SLC22A24: variants seen among roughly 807,000 people sequenced by gnomAD.
SLC22A24 encodes steroid transmembrane transporter SLC22A24.
SLC22A24 carries 53 observed loss-of-function variants against 49.8 expected under a neutral mutation model. The observed-to-expected ratio is 1.06, with a 90% CI of 0.85 to 1.34. The LOEUF is 1.34. Among genes scored for constraint, SLC22A24 ranks in the 40% most tolerant of loss-of-function variants. The pLI, the probability that SLC22A24 is intolerant of heterozygous loss-of-function variation, is 0.00. For missense variants in SLC22A24, 786 were observed against 675.9 expected (o/e 1.16, Z -1.81); for synonymous variants, 302 against 256.4 (o/e 1.18, Z -1.70).
At chr11:63,132,153 C>T (rs1174652276) in intron 2 of SLC22A24, among the ~76,000 whole-genome samples, 4 of 152,188 alleles carry the variant, frequency 2.6e-5, no homozygotes, top group Non-Finnish European at 5.9e-5. Context: ...GTCTTTTCTA[C>T]ACTGTTTATT....
At chr11:63,111,084 T>C (rs1288092516) in intron 4 of SLC22A24, among the ~76,000 whole-genome samples, 1 of 152,006 alleles carries the variant, frequency 6.6e-6, no homozygotes, top group Non-Finnish European at 1.5e-5. Flanking sequence ...GTCAAAGGCC[T>C]TTTCTGCATC....
chr11:63,106,061 C>T (rs1306024436), intron 4 of SLC22A24, among the ~76,000 whole-genome samples: 1 of 151,102 alleles, frequency 6.6e-6, no homozygotes, highest in Non-Finnish European at 1.5e-5. Context: ...AGGTATATCT[C>T]CTAAAGCTAT....
chr11:63,135,729 G>A (rs900710485), intron 1 of SLC22A24, among the ~76,000 whole-genome samples: 1 of 152,162 alleles, frequency 6.6e-6, no homozygotes, highest in African/African-American at 2.4e-5. Context: ...GCAAAACCGA[G>A]TGATTTTCTT....
intron 2 of SLC22A24, among the ~76,000 whole-genome samples, chr11:63,120,537 G>A (rs2134667796): frequency 1.3e-5 from 2 of 152,198 alleles, no homozygotes; most frequent in South Asian, 4.2e-4. Context: ...GTTTACAGAG[G>A]AGAGGATGAG....
intron 2 of SLC22A24, among the ~76,000 whole-genome samples, chr11:63,128,361 G>A (rs1398026648): frequency 1.3e-5 from 2 of 148,250 alleles, no homozygotes; most frequent in Non-Finnish European, 1.5e-5. Flanking sequence ...TAGTCGTAGC[G>A]TCAGTGCCTA....
At position 63,132,113 on chromosome 11, in the gene SLC22A24, G is replaced by A. The variant is rs977653639; in HGVS notation, c.506+2552C>T. ...GCATGCATCACAAAGTTCTCATGCT[G>A]TGGTTTTCAGCTCCATCCAGTCCTT... is the stretch of plus-strand genomic sequence containing the variant. On this transcript the variant is annotated intron_variant, in intron 2 of 9. Coordinates refer to ENST00000612278, the MANE Select transcript of SLC22A24 (RefSeq NM_001136506.2). 1.5e-3 allele frequency among the ~76,000 whole-genome samples: 221 copies of A among 152,200 alleles called. 2 individuals carry two copies. Among genetic ancestry groups the A allele is most frequent in the Non-Finnish European group, 5.6e-4 (38 of 68,016 alleles).
At chr11:63,087,024 G>GCGCACA (rs376936925) in intron 6 of SLC22A24, among the ~76,000 whole-genome samples, 101 of 132,628 alleles carry the variant, frequency 7.6e-4, no homozygotes, top group East Asian at 4.9e-3. Context: ...CCTGGAGGGC[G>GCGCACA]CACACACACA....
intron 2 of SLC22A24, among the ~76,000 whole-genome samples, chr11:63,130,562 T>G (rs181142743): frequency 2.0e-3 from 310 of 152,316 alleles, no homozygotes; most frequent in African/African-American, 7.2e-3. Flanking sequence ...CCTACTCCTG[T>G]TTGTACCTAT....
At chr11:63,116,841 G>A (rs779325196) in intron 4 of SLC22A24, among the ~76,000 whole-genome samples, 4 of 151,964 alleles carry the variant, frequency 2.6e-5, no homozygotes, top group Non-Finnish European at 5.9e-5. Context: ...CTTTTTTTCT[G>A]CCTGCCCAAC....
intron 1 of SLC22A24, among the ~76,000 whole-genome samples, chr11:63,141,733 C>G (rs765032903): frequency 1.3e-5 from 2 of 152,142 alleles, no homozygotes; most frequent in African/African-American, 4.8e-5. Context: ...CTTCATGGAA[C>G]AGAGTTTCAT....
chr11:63,086,177 C>T (rs2086985935), intron 6 of SLC22A24, among the ~76,000 whole-genome samples: 1 of 152,184 alleles, frequency 6.6e-6, no homozygotes, highest in Non-Finnish European at 1.5e-5. Flanking sequence ...CCAGCAATCC[C>T]ATTATTGGAT....
intron 4 of SLC22A24, among the ~76,000 whole-genome samples, chr11:63,115,312 G>T (rs976684414): frequency 6.6e-6 from 1 of 152,180 alleles, no homozygotes; most frequent in Non-Finnish European, 1.5e-5. Flanking sequence ...CTTGCAGGTC[G>T]ATCTCAGACT....
chr11:63,087,241 C>A (rs1030399329), intron 6 of SLC22A24, among the ~76,000 whole-genome samples: 2 of 152,120 alleles, frequency 1.3e-5, no homozygotes, highest in African/African-American at 4.8e-5. Context: ...GCACCCAGTT[C>A]ATCTCATTGG....
In SLC22A24 at chr11:63,111,965, T is replaced by C. The variant is rs377133812; in HGVS notation, c.830+6947A>G. 8.9e-4 allele frequency among the ~76,000 whole-genome samples: 136 copies of C among 152,172 alleles called. No individual in the cohort carries two copies. The South Asian group carries it at 0.015, about 16-fold the overall frequency. On this transcript the variant is annotated intron_variant, in intron 4 of 9. Transcript: ENST00000612278. ...TTAGGGTGTCAATTTTGGATCTTTC[T>C]TGCTTTCTCTTGTGGGCATCTAGTG...
intron 1 of SLC22A24, among the ~76,000 whole-genome samples, chr11:63,136,209 A>G (rs562330913): frequency 6.6e-6 from 1 of 152,334 alleles, no homozygotes; most frequent in African/African-American, 2.4e-5. Flanking sequence ...TGGATTGAGA[A>G]GCAGCTCCAA....
At chr11:63,105,749 G>A (rs1457175732) in intron 4 of SLC22A24, among the ~76,000 whole-genome samples, 2 of 151,954 alleles carry the variant, frequency 1.3e-5, no homozygotes, top group Non-Finnish European at 2.9e-5. Context: ...ACATGCCCTG[G>A]AGACATTTTC....
At chr11:63,101,236 G>A (rs572332551) in intron 5 of SLC22A24, among the ~76,000 whole-genome samples, 30 of 151,870 alleles carry the variant, frequency 2.0e-4, no homozygotes, top group African/African-American at 2.9e-4. Context: ...CAATCACTAC[G>A]GCAAATATTT....
chr11:63,104,474 A>G (rs1477811520), intron 4 of SLC22A24, among the ~76,000 whole-genome samples, 176 bp from the exon 5 acceptor site: 1 of 152,188 alleles, frequency 6.6e-6, no homozygotes, highest in Non-Finnish European at 1.5e-5. Context: ...GTATCTGGCC[A>G]TCAATAAGTG....
At chr11:63,116,727 G>A (rs1173971278) in intron 4 of SLC22A24, among the ~76,000 whole-genome samples, 4 of 152,116 alleles carry the variant, frequency 2.6e-5, no homozygotes, top group Non-Finnish European at 4.4e-5. Context: ...AAATGCATAT[G>A]TTGATACCCT....
Sources: gnomAD v4.1 joint callset for allele counts (sites outside exome capture counted in the v4.1 genomes callset) on GRCh38, gnomAD v4.1.1 for gene constraint, MANE v1.5 for transcripts, NCBI Gene and HGNC (gene_info 2026-07-23, HGNC 2026-07-21) for gene names.